The following TSPAN9 variants were observed in gnomAD, a reference collection of about 807,000 sequenced individuals.
The protein encoded by TSPAN9 is tetraspanin 9, also known as tetraspanin-9.
TSPAN9 carries 16 observed loss-of-function variants against 31.0 expected under a neutral mutation model. The ratio of observed to expected loss-of-function variants is 0.52; its 90% confidence interval spans 0.35 to 0.78. TSPAN9 has a LOEUF of 0.78. TSPAN9 is among the 30% of genes least tolerant of loss of function. TSPAN9 has a pLI of 0.01. For synonymous variants in TSPAN9, 145 were observed against 121.6 expected (o/e 1.19, Z -1.27); for missense variants, 272 against 312.5 (o/e 0.87, Z 0.98).
At chr12:3,274,197 G>T (rs765386239) in intron 3 of TSPAN9, among the ~76,000 whole-genome samples, 1 of 152,136 alleles carries the variant, frequency 6.6e-6, no homozygotes. Context: ...AACCAAAAAC[G>T]TCCCCAGACA....
At chr12:3,171,569 A>C (rs1242228693) in intron 2 of TSPAN9, 2 of 152,246 alleles carry the variant, frequency 1.3e-5, no homozygotes, top group Non-Finnish European at 2.9e-5. Context: ...CTGATAGATA[A>C]GATAATCGAG....
intron 3 of TSPAN9, among the ~76,000 whole-genome samples, chr12:3,228,252 C>T (rs1361253661): frequency 1.3e-5 from 2 of 152,182 alleles, no homozygotes; most frequent in Non-Finnish European, 2.9e-5. Context: ...GTAATCTCAG[C>T]TACTTGGGGG....
At chr12:3,108,166 C>T (rs572004519) in intron 2 of TSPAN9, among the ~76,000 whole-genome samples, 8 of 152,254 alleles carry the variant, frequency 5.3e-5, no homozygotes, top group South Asian at 2.1e-4. Flanking sequence ...GAGTCTGTGG[C>T]GTAGACAGTG....
At position 3,242,769 on chromosome 12, in the gene TSPAN9, C is replaced by A. The variant is rs3782798; in HGVS notation, c.64-35652C>A. On this transcript the variant is annotated intron_variant, in intron 3 of 8. Coordinates refer to ENST00000011898, the MANE Select transcript of TSPAN9 (RefSeq NM_006675.5). ...TTGTGGAGCCTTGGACGCATTGCCC[C>A]CTCTCAGGGCCTAGCCACCTGCTGA... Among the ~76,000 whole-genome samples, 1,226 of 152,326 alleles carry A rather than the reference C, an allele frequency of 8.0e-3. 34 individuals carry two copies. Among genetic ancestry groups the A allele is most frequent in the Admixed American group, 0.048 (738 of 15,310 alleles).
chr12:3,163,587 C>T (rs766207977), intron 2 of TSPAN9, among the ~76,000 whole-genome samples: 67 of 152,278 alleles, frequency 4.4e-4, no homozygotes, highest in African/African-American at 5.8e-4. Context: ...GTCTTTTTCC[C>T]GGGTTACTGT....
chr12:3,223,875 CAT>C (rs1279811467), intron 3 of TSPAN9, among the ~76,000 whole-genome samples: 1 of 152,154 alleles, frequency 6.6e-6, no homozygotes, highest in Non-Finnish European at 1.5e-5. Context: ...ATGCTGGAGT[CAT>C]GTGAGAGATT....
intron 3 of TSPAN9, chr12:3,211,891 A>T: frequency 3.1e-6 from 5 of 1,589,744 alleles, no homozygotes; most frequent in East Asian, 2.2e-5. Context: ...CTGGAGAGGG[A>T]TGAAGGAGAT....
At chr12:3,120,766 A>C (rs987792952) in intron 2 of TSPAN9, among the ~76,000 whole-genome samples, 1 of 152,210 alleles carries the variant, frequency 6.6e-6, no homozygotes, top group Non-Finnish European at 1.5e-5. Flanking sequence ...CAGTCAGTTA[A>C]TGTTGACCAA....
chr12:3,185,164 G>A (rs1260833013), intron 2 of TSPAN9, among the ~76,000 whole-genome samples: 1 of 152,202 alleles, frequency 6.6e-6, no homozygotes, highest in Non-Finnish European at 1.5e-5. Flanking sequence ...TTTATTGAGT[G>A]TGGCTGTGTG....
At position 3,183,639 on chromosome 12, in the gene TSPAN9, C is replaced by A. The variant is rs113698887; in HGVS notation, c.-17-17538C>A. Among the ~76,000 whole-genome samples the A allele has an allele frequency of 1.6e-3, 240 of 152,286 alleles. 3 individuals are homozygous for A. Among genetic ancestry groups the A allele is most frequent in the African/African-American group, 5.6e-3 (232 of 41,556 alleles). On this transcript the variant is annotated intron_variant, in intron 2 of 8. Transcript: ENST00000011898. ...GGGCAGGTTATCAACATTCTGCCTC[C>A]AGATACTTTTAGGCCAGAGTGGGCC...
intron 2 of TSPAN9, among the ~76,000 whole-genome samples, chr12:3,145,477 C>A (rs561707772): frequency 7.2e-5 from 11 of 152,120 alleles, no homozygotes; most frequent in African/African-American, 2.7e-4. Flanking sequence ...TTTTGATACC[C>A]GTGGGCAGAG....
intron 2 of TSPAN9, among the ~76,000 whole-genome samples, chr12:3,089,911 A>G (rs1474677895): frequency 6.6e-6 from 1 of 151,836 alleles, no homozygotes; most frequent in East Asian, 2.0e-4. Flanking sequence ...GTCTCAAAAT[A>G]AATAAATAAA....
In TSPAN9 at chr12:3,282,080, G is replaced by A. The variant is rs535970679; in HGVS notation, c.648+263G>A. ...GATATTGAAGCTGGAGTCAACCCCCGTGGGTTCCCCCAGTTCTGCCCAAAC... is the reference window on the plus strand; with the variant it reads ...GATATTGAAGCTGGAGTCAACCCCCATGGGTTCCCCCAGTTCTGCCCAAAC... On this transcript the variant is annotated intron_variant, in intron 8 of 8. Transcript: ENST00000011898. The A allele has an allele frequency of 1.0e-4, 69 of 661,964 alleles. No individual in the cohort carries two copies. The East Asian group carries it at 1.6e-3, about 15-fold the overall frequency. 41.0% of individuals were successfully genotyped at this position (661,964 alleles called of 1,614,324 possible).
chr12:3,260,645 G>T (rs1213365044), intron 3 of TSPAN9, among the ~76,000 whole-genome samples: 4 of 152,236 alleles, frequency 2.6e-5, no homozygotes, highest in Non-Finnish European at 5.9e-5. Context: ...GTTCGCTGGG[G>T]CAAGTCCAAC....
intron 2 of TSPAN9, among the ~76,000 whole-genome samples, chr12:3,086,650 A>G (rs1367857973): frequency 1.3e-5 from 2 of 152,180 alleles, no homozygotes. Context: ...TATTGCAGGA[A>G]GGCTGGAGGG....
intron 3 of TSPAN9, among the ~76,000 whole-genome samples, chr12:3,213,790 T>C (rs1444919227): frequency 6.6e-6 from 1 of 152,216 alleles, no homozygotes; most frequent in Non-Finnish European, 1.5e-5. Context: ...GCATTGCCGA[T>C]TAGCTTTCTG....
At chr12:3,195,320 G>T (rs1266765200) in intron 2 of TSPAN9, among the ~76,000 whole-genome samples, 1 of 152,156 alleles carries the variant, frequency 6.6e-6, no homozygotes, top group Non-Finnish European at 1.5e-5. Context: ...TTACTCCAAA[G>T]CCCACATCTC....
At chr12:3,113,430 A>G (rs1426161791) in intron 2 of TSPAN9, among the ~76,000 whole-genome samples, 2 of 152,134 alleles carry the variant, frequency 1.3e-5, no homozygotes, top group Non-Finnish European at 2.9e-5. Flanking sequence ...ATGATGAGAA[A>G]TTGGGCTTGT....
At chr12:3,269,779 C>T (rs1380207352) in intron 3 of TSPAN9, among the ~76,000 whole-genome samples, 13 of 152,248 alleles carry the variant, frequency 8.5e-5, no homozygotes, top group Admixed American at 8.5e-4. Context: ...CTGTGTGGCC[C>T]TTTTTCGCTG....
Sources: gnomAD v4.1 joint callset for allele counts (sites outside exome capture counted in the v4.1 genomes callset) on GRCh38, gnomAD v4.1.1 for gene constraint, MANE v1.5 for transcripts, NCBI Gene and HGNC (gene_info 2026-07-23, HGNC 2026-07-21) for gene names.